PREX1: variants seen among roughly 807,000 people sequenced by gnomAD.
The protein encoded by PREX1 is phosphatidylinositol 3,4,5-trisphosphate-dependent Rac exchanger 1 protein.
In PREX1, 41 loss-of-function variants were observed where a neutral mutation model predicts 198.3. The ratio of observed to expected loss-of-function variants is 0.21; its 90% CI spans 0.16 to 0.27. The LOEUF is 0.27. PREX1 is among the 10% of genes least tolerant of loss of function. PREX1 has a pLI of 1.00. For synonymous variants in PREX1, 843 were observed against 887.2 expected (o/e 0.95, Z 0.89); for missense variants, 1,620 against 2,200.7 (o/e 0.74, Z 5.28).
chr20:48,650,975 C>T lies in PREX1; in HGVS notation c.2736G>A (p.Val912=), dbSNP rs1348848195. The T allele has an allele frequency of 6.2e-7, 1 of 1,614,062 alleles. No homozygotes were observed. The highest frequency in any genetic ancestry group is 1.3e-5 in the African/African-American group (1 of 74,918). Residue 912 remains valine, a synonymous_variant, in exon 23 of 40, where the codon GTG becomes GTA. Transcript: ENST00000371941. The stretch of plus-strand genomic sequence containing the variant: ...TGCGGAACTCAAAGTGGGGCATGGT[C>T]ACGATGGCGCTGCTCAGGGCCATGA... The part of the protein sequence containing the change: ...RRLMALSSAI[V]TMPHFEFRNI...
In PREX1 at chr20:48,827,887, C is replaced by T. The variant is rs2090517348; in HGVS notation, c.-27G>A. On this transcript the variant is annotated 5_prime_UTR_variant, in exon 1 of 40. Coordinates refer to ENST00000371941, the MANE Select transcript of PREX1 (RefSeq NM_020820.4). The surrounding 1 kb of genome is among the most constrained non-coding windows in gnomAD (Gnocchi z 4.1). The stretch of plus-strand genomic sequence containing the variant: ...CTAGCGCGGCCGCGCGGCGCCGGCT[C>T]CTTCCGTCGCGCCGAGCGGCAACTC... 4 of 944,680 alleles carry T rather than the reference C, an allele frequency of 4.2e-6. No homozygotes were observed. Among genetic ancestry groups the T allele is most frequent in the Non-Finnish European group, 5.0e-6 (4 of 798,988 alleles). 58.5% of individuals were successfully genotyped at this position (944,680 alleles called of 1,614,324 possible).
the PREX1 span, among the ~76,000 whole-genome samples, chr20:48,861,705 A>G: frequency 6.6e-6 from 1 of 151,626 alleles, no homozygotes; most frequent in South Asian, 2.1e-4. Flanking sequence ...TATCTCTGAG[A>G]CTCTCCTTTT....
intron 27 of PREX1, among the ~76,000 whole-genome samples, chr20:48,643,526 G>A (rs1300029361): frequency 6.6e-6 from 1 of 151,778 alleles, no homozygotes; most frequent in Non-Finnish European, 1.5e-5. Context: ...ATAAAATATT[G>A]TCTATGTCTG....
At chr20:48,764,872 T>C (rs2090201394) in intron 1 of PREX1, among the ~76,000 whole-genome samples, 2 of 151,450 alleles carry the variant, frequency 1.3e-5, no homozygotes, top group Non-Finnish European at 2.9e-5. Flanking sequence ...GACGCTATGC[T>C]GCTGGCTGGG....
upstream of PREX1, among the ~76,000 whole-genome samples, chr20:48,828,442 G>A (rs921918089): frequency 6.6e-6 from 1 of 152,094 alleles, no homozygotes; most frequent in Non-Finnish European, 1.5e-5. Flanking sequence ...CACCGGGCTG[G>A]GAAAGCTCGC....
intron 5 of PREX1, among the ~76,000 whole-genome samples, chr20:48,715,149 A>G (rs577996630): frequency 9.8e-5 from 15 of 152,300 alleles, no homozygotes; most frequent in African/African-American, 3.1e-4. Flanking sequence ...TGGCCCAGAG[A>G]AGAGTATTTC....
intron 4 of PREX1, among the ~76,000 whole-genome samples, chr20:48,728,736 A>G (rs1329402344): frequency 6.6e-6 from 1 of 152,224 alleles, no homozygotes; most frequent in Non-Finnish European, 1.5e-5. Context: ...ATCTTTGTCC[A>G]GGATCAAGGA....
intron 7 of PREX1, 82 bp downstream of exon 7, chr20:48,700,671 C>T (rs2089869092): frequency 6.5e-7 from 1 of 1,545,228 alleles, no homozygotes; most frequent in Admixed American, 1.7e-5. Context: ...AAAGGGAGGC[C>T]CAGAGAGGGA....
At chr20:48,723,491 G>A (rs2089995278) in intron 5 of PREX1, among the ~76,000 whole-genome samples, 1 of 152,172 alleles carries the variant, frequency 6.6e-6, no homozygotes, top group Non-Finnish European at 1.5e-5. Flanking sequence ...GGGGAGCAAG[G>A]CATGGCCCCA....
At chr20:48,732,475 T>C (rs528637985) in intron 4 of PREX1, among the ~76,000 whole-genome samples, 40 of 152,330 alleles carry the variant, frequency 2.6e-4, no homozygotes, top group Admixed American at 1.3e-3. Context: ...ATTCGGTATG[T>C]GCTGTTGGGA....
At chr20:48,696,245 C>A (rs543689124) in intron 7 of PREX1, among the ~76,000 whole-genome samples, 23 of 152,338 alleles carry the variant, frequency 1.5e-4, no homozygotes, top group African/African-American at 5.5e-4. Context: ...ACATTTAAAT[C>A]TATAATCCAG....
chr20:48,798,012 T>C (rs2090370854), intron 1 of PREX1, among the ~76,000 whole-genome samples: 1 of 152,234 alleles, frequency 6.6e-6, no homozygotes. Context: ...GGGACGACGC[T>C]GAGCTCATCT....
chr20:48,727,689 T>C (rs941493691), intron 4 of PREX1, among the ~76,000 whole-genome samples: 23 of 151,984 alleles, frequency 1.5e-4, no homozygotes, highest in African/African-American at 5.1e-4. Context: ...GCCAGGCGGG[T>C]TGACACCGAG....
chr20:48,736,087 G>A (rs961436905), intron 3 of PREX1, among the ~76,000 whole-genome samples: 3 of 152,154 alleles, frequency 2.0e-5, no homozygotes, highest in Non-Finnish European at 2.9e-5. Context: ...CAACACTTAG[G>A]ATGCTGGAGG....
At chr20:48,658,482 G>A (rs1172049757) in intron 16 of PREX1, among the ~76,000 whole-genome samples, 1 of 152,236 alleles carries the variant, frequency 6.6e-6, no homozygotes, top group Non-Finnish European at 1.5e-5. Flanking sequence ...AGGGAGTTTA[G>A]GGAGGAGCGG....
intron 1 of PREX1, among the ~76,000 whole-genome samples, chr20:48,823,936 A>T (rs952753393): frequency 1.3e-5 from 2 of 152,194 alleles, no homozygotes; most frequent in African/African-American, 4.8e-5. Context: ...AATGGGGATA[A>T]AAACAGCATC....
At position 48,651,020 on chromosome 20, in the gene PREX1, G is replaced by A. The variant is rs763619070; in HGVS notation, c.2691C>T (p.Phe897=). The A allele has an allele frequency of 5.0e-6, 8 of 1,614,160 alleles. No individual in the cohort carries two copies. The highest frequency in any genetic ancestry group is 1.6e-4 in the Middle Eastern group (1 of 6,062). The change falls in exon 23 of 40, where the codon TTC becomes TTT. Residue 897 remains phenylalanine, a synonymous_variant. Coordinates refer to ENST00000371941, the MANE Select transcript of PREX1 (RefSeq NM_020820.4). ...LEAFAANDSV[F]VENCRRLMAL... ...CCATGAGCCGCCTGCAGTTCTCCAC[G>A]AAGACGCTGTCATTGGCAGCAAAGG...
the PREX1 span, among the ~76,000 whole-genome samples, chr20:48,877,095 C>A: frequency 6.6e-6 from 1 of 152,022 alleles, no homozygotes; most frequent in Non-Finnish European, 1.5e-5. Context: ...CATGGTGAAA[C>A]CCCCTCTCTA....
chr20:48,714,230 A>T (rs1167622157), intron 5 of PREX1, among the ~76,000 whole-genome samples: 1 of 152,338 alleles, frequency 6.6e-6, no homozygotes, highest in South Asian at 2.1e-4. Flanking sequence ...AAAATAGATA[A>T]CGTGAATTTC....
Sources: allele counts gnomAD v4.1 joint callset (sites outside exome capture counted in the v4.1 genomes callset), GRCh38; gene constraint gnomAD v4.1.1; non-coding constraint Gnocchi (gnomAD v3.1); transcripts MANE v1.5; gene names NCBI Gene and HGNC (gene_info 2026-07-23, HGNC 2026-07-21).